YIPF6: variants seen among roughly 807,000 people sequenced by gnomAD.
YIPF6 encodes Yip1 domain family member 6.
In YIPF6, 3 loss-of-function variants were observed where a neutral mutation model predicts 16.8. That is an observed-to-expected ratio of 0.18 (90% CI 0.08 to 0.46). The LOEUF (loss-of-function observed/expected upper bound fraction) is 0.46, where lower values mean the gene tolerates loss of function less well. Among genes scored for constraint, YIPF6 ranks in the 20% least tolerant of loss-of-function variants. The probability of loss-of-function intolerance (pLI) is 0.98; values close to 1 mark genes in which losing one functional copy is unlikely to be tolerated. For synonymous variants in YIPF6, 67 were observed against 61.9 expected (o/e 1.08, Z -0.38); for missense variants, 145 against 184.9 (o/e 0.78, Z 1.25).
Position 68,533,325 on chromosome X carries a change from T to A in YIPF6, c.*1326T>A, listed in dbSNP as rs775037309. On this transcript the variant is annotated 3_prime_UTR_variant, in exon 7 of 7. Transcript: ENST00000462683. ...CTGATTCTGAGCTAAACAGGGCTCC[T>A]TTAAGGCAATATGAACTGTTGCCTT... is the stretch of plus-strand genomic sequence containing the variant. 7.2e-5 allele frequency: 8 copies of A among 111,645 alleles called. No individual in the cohort carries two copies. Among genetic ancestry groups the A allele is most frequent in the Non-Finnish European group, 1.5e-4 (8 of 53,166 alleles). The allele number at this position is 111,645 out of a possible 1,213,427, so 9.2% of individuals were successfully genotyped here. A position where few individuals can be genotyped will look rare whatever the true frequency, so the allele number is the denominator to read the frequency against.
At chrX:68,518,644 G>A in intron 3 of YIPF6, 126 bp from the exon 4 acceptor site, 1 of 716,983 alleles carries the variant, frequency 1.4e-6, no homozygotes, top group Non-Finnish European at 2.1e-6. Context: ...TGGTGGGAGA[G>A]GAGAGGTAGG....
intron 6 of YIPF6, 146 bp downstream of exon 6, chrX:68,523,063 G>A: frequency 1.5e-6 from 1 of 653,919 alleles, no homozygotes; most frequent in Middle Eastern, 4.8e-4. Context: ...TCTTCCCTGA[G>A]TAGGCAATGA....
intron 4 of YIPF6, among the ~76,000 whole-genome samples, chrX:68,520,612 T>G (rs1041891770): frequency 9.0e-6 from 1 of 111,388 alleles, no homozygotes; most frequent in African/African-American, 3.3e-5. Flanking sequence ...GCTAGGACTA[T>G]AGGCGTGTAC....
intron 1 of YIPF6, among the ~76,000 whole-genome samples, chrX:68,509,265 C>T (rs1256828314): frequency 9.1e-6 from 1 of 109,905 alleles, no homozygotes; most frequent in African/African-American, 3.3e-5. Flanking sequence ...AGTTGCATGC[C>T]ACCATGCCCA....
At chrX:68,523,835 C>A (rs1248525186) in intron 6 of YIPF6, among the ~76,000 whole-genome samples, 1 of 111,672 alleles carries the variant, frequency 9.0e-6, no homozygotes, top group African/African-American at 3.3e-5. Flanking sequence ...GGTGCTTTTC[C>A]CATGGGGAGA....
intron 6 of YIPF6, among the ~76,000 whole-genome samples, chrX:68,530,795 C>T (rs1309968890): frequency 9.0e-6 from 1 of 111,352 alleles, no homozygotes; most frequent in Non-Finnish European, 1.9e-5. Flanking sequence ...GTGGGCTGCA[C>T]CCACTGTCTA....
intron 5 of YIPF6, among the ~76,000 whole-genome samples, chrX:68,522,128 C>G (rs1473101540): frequency 9.1e-6 from 1 of 110,177 alleles, no homozygotes. Flanking sequence ...TTAACAAATT[C>G]TCAAGTATAA....
intron 6 of YIPF6, among the ~76,000 whole-genome samples, chrX:68,526,208 G>A (rs1276609333): frequency 4.5e-5 from 5 of 111,261 alleles, no homozygotes; most frequent in Non-Finnish European, 7.5e-5. Context: ...CATATCCCTT[G>A]TAAGTTGGAT....
chrX:68,522,692 G>A (rs751806735), intron 5 of YIPF6, 68 bp from the exon 6 acceptor site: 1 of 1,019,451 alleles, frequency 9.8e-7, no homozygotes, highest in South Asian at 2.3e-5. Flanking sequence ...AGAAATCTAT[G>A]TAATAAGCTG....
intron 6 of YIPF6, 68 bp from the exon 7 acceptor site, chrX:68,531,812 TA>T (rs2079172477): frequency 1.3e-6 from 1 of 744,617 alleles, no homozygotes; most frequent in African/African-American, 2.1e-5. Flanking sequence ...GAATGTTTAG[TA>T]AATGTTAATA....
intron 4 of YIPF6, among the ~76,000 whole-genome samples, chrX:68,519,778 T>C (rs1025617693): frequency 8.9e-6 from 1 of 111,866 alleles, no homozygotes; most frequent in Non-Finnish European, 1.9e-5. Flanking sequence ...TAAATTTAAA[T>C]TGAGCATATA....
chrX:68,514,262 A>T (rs1285980719), intron 3 of YIPF6: 2 of 103,318 alleles, frequency 1.9e-5, no homozygotes, highest in South Asian at 4.2e-4. Flanking sequence ...ATATATATAT[A>T]TTTTAAAAAA....
At position 68,513,409 on chromosome X, in the gene YIPF6, A is replaced by G; in HGVS notation, c.265+4A>G. ...AGTAATACTCTTTTGAGAGATTGTAAGTATATGAGGTTTTTAAGGGTTTGC... is the reference window on the plus strand; with the variant it reads ...AGTAATACTCTTTTGAGAGATTGTAGGTATATGAGGTTTTTAAGGGTTTGC... On this transcript the variant is annotated splice_donor_region_variant and intron_variant, in intron 3 of 6. Coordinates refer to ENST00000462683, the MANE Select transcript of YIPF6 (RefSeq NM_173834.4). 2.5e-6 allele frequency: 3 copies of G among 1,184,608 alleles called. No homozygotes were observed. Among genetic ancestry groups the G allele is most frequent in the Non-Finnish European group, 3.4e-6 (3 of 877,258 alleles).
chrX:68,506,001 C>A (rs1187916751), intron 1 of YIPF6, among the ~76,000 whole-genome samples: 2 of 111,209 alleles, frequency 1.8e-5, no homozygotes, highest in Non-Finnish European at 3.8e-5. Context: ...TCTAGGATCC[C>A]ACATTGCATT....
intron 1 of YIPF6, among the ~76,000 whole-genome samples, chrX:68,508,713 C>G (rs2079069061): frequency 8.9e-6 from 1 of 112,080 alleles, no homozygotes; most frequent in African/African-American, 3.2e-5. Context: ...ATCATTCATG[C>G]ATGTACCTTT....
rs1270387920 is a variant in YIPF6, at chrX:68,524,698, G to T, written c.592+1781G>T. On this transcript the variant is annotated intron_variant, in intron 6 of 6. Coordinates refer to ENST00000462683, the MANE Select transcript of YIPF6 (RefSeq NM_173834.4). Reference sequence around the variant, plus strand: ...CCCCCCCAGCCTCTGACAGGCCCCAGTGTGTGATGTACCCCTCCCTGTGTC... The same window carrying T: ...CCCCCCCAGCCTCTGACAGGCCCCATTGTGTGATGTACCCCTCCCTGTGTC... Among the ~76,000 whole-genome samples, 6 of 108,173 alleles carry T rather than the reference G, an allele frequency of 5.5e-5. No individual in the cohort carries two copies. In the East Asian group the frequency reaches 1.8e-3, roughly 32 times the overall value. The allele number at this position is 108,173 out of a possible 115,157, so 93.9% of individuals were successfully genotyped here.
chrX:68,506,466 G>A (rs1463653979), intron 1 of YIPF6, among the ~76,000 whole-genome samples: 6 of 110,435 alleles, frequency 5.4e-5, no homozygotes, highest in African/African-American at 2.0e-4. Context: ...TTGGGAGGCC[G>A]AGATGGGCAG....
At chrX:68,526,817 A>G (rs1480158456) in intron 6 of YIPF6, among the ~76,000 whole-genome samples, 1 of 112,099 alleles carries the variant, frequency 8.9e-6, no homozygotes, top group Non-Finnish European at 1.9e-5. Flanking sequence ...CATCCCAGGG[A>G]TGAAGCTGAC....
At chrX:68,511,220 CTG>C (rs1375285335) in intron 1 of YIPF6, among the ~76,000 whole-genome samples, 10 of 112,407 alleles carry the variant, frequency 8.9e-5, no homozygotes, top group Non-Finnish European at 1.9e-4. Flanking sequence ...GGCCCAAAAA[CTG>C]TATGAGAAGG....
Sources: gnomAD v4.1 joint callset for allele counts (sites outside exome capture counted in the v4.1 genomes callset) on GRCh38, gnomAD v4.1.1 for gene constraint, MANE v1.5 for transcripts, NCBI Gene and HGNC (gene_info 2026-07-23, HGNC 2026-07-21) for gene names.